Variants in ABCG1 observed in about 807,000 individuals in gnomAD.
ABCG1 encodes the protein ATP binding cassette subfamily G member 1, also known as ATP-binding cassette sub-family G member 1.
In ABCG1, 29 loss-of-function variants were observed where a neutral mutation model predicts 69.2. The ratio of observed to expected loss-of-function variants is 0.42; its 90% CI spans 0.31 to 0.57. The LOEUF (loss-of-function observed/expected upper bound fraction) is 0.57. Ranked by LOEUF, ABCG1 falls within the 20% of genes least tolerant of loss-of-function variation. The pLI is 0.15. For missense variants in ABCG1, 718 were observed against 898.1 expected (o/e 0.80, Z 2.56); for synonymous variants, 370 against 374.8 (o/e 0.99, Z 0.15).
At chr21:42,269,670 A>T (rs1200601926) in intron 2 of ABCG1, among the ~76,000 whole-genome samples, 1 of 152,142 alleles carries the variant, frequency 6.6e-6, no homozygotes, top group Non-Finnish European at 1.5e-5. Flanking sequence ...TCCCCTAAAC[A>T]AGGCCTCAGG....
chr21:42,251,790 C>G (rs1462567858), intron 2 of ABCG1, among the ~76,000 whole-genome samples: 1 of 152,236 alleles, frequency 6.6e-6, no homozygotes, highest in Admixed American at 6.5e-5. Context: ...GGAGCCCCTA[C>G]TCTTCCCAGG....
rs1287421340 is a variant in ABCG1 at position 42,219,163 on chromosome 21, C to G, written c.-100C>G. 2 of 1,112,138 alleles carry G rather than the reference C, an allele frequency of 1.8e-6. No individual in the cohort carries two copies. The highest frequency in any genetic ancestry group is 2.2e-6 in the Non-Finnish European group (2 of 891,348). The allele number at this position is 1,112,138 out of a possible 1,614,324, so 68.9% of individuals were successfully genotyped here. A position where few individuals can be genotyped will look rare whatever the true frequency, so the allele number is the denominator to read the frequency against. On this transcript the variant is annotated 5_prime_UTR_variant, in exon 1 of 15. Transcript: ENST00000398449. The surrounding 1 kb of genome is among the most constrained non-coding windows in gnomAD (Gnocchi z 5.3). ...CCGGAGCCCAAGCGCAGCCCGCACC[C>G]CGCGCAGCGGCTGAGCCGGGAGCCA...
At chr21:42,267,019 T>A (rs2068517271) in intron 2 of ABCG1, among the ~76,000 whole-genome samples, 1 of 152,162 alleles carries the variant, frequency 6.6e-6, no homozygotes, top group Non-Finnish European at 1.5e-5. Flanking sequence ...TGAATTTATG[T>A]CCCCTAAAAA....
intron 2 of ABCG1, among the ~76,000 whole-genome samples, chr21:42,265,185 A>C (rs1468134753): frequency 6.6e-6 from 1 of 152,166 alleles, no homozygotes; most frequent in Non-Finnish European, 1.5e-5. Context: ...CACGTCCCTC[A>C]TTCCTGCACC....
intron 6 of ABCG1, among the ~76,000 whole-genome samples, chr21:42,283,115 A>C (rs553306130): frequency 1.3e-5 from 2 of 152,138 alleles, no homozygotes; most frequent in African/African-American, 4.8e-5. Context: ...TTCTCCTGAA[A>C]TGACTTCAGC....
In ABCG1 at chr21:42,287,480, C is replaced by A. The variant is rs71320518; in HGVS notation, c.974-409C>A. On this transcript the variant is annotated intron_variant, in intron 8 of 14. Coordinates refer to ENST00000398449, the MANE Select transcript of ABCG1 (RefSeq NM_016818.3). The surrounding 1 kb of genome is among the most constrained non-coding windows in gnomAD (Gnocchi z 6.2). ...CATCTTGTAGAACTGCCGTGGCTCT[C>A]GTCACACCCTGCCAAACCACAAGCT... Among the ~76,000 whole-genome samples, 2 of 152,184 alleles carry A rather than the reference C, an allele frequency of 1.3e-5. No individual in the cohort carries two copies. Among genetic ancestry groups the A allele is most frequent in the African/African-American group, 4.8e-5 (2 of 41,442 alleles).
At chr21:42,220,193 C>T in intron 1 of ABCG1, 3 of 680,738 alleles carry the variant, frequency 4.4e-6, no homozygotes, top group Non-Finnish European at 7.5e-6. Context: ...ACACCAACAT[C>T]GTAGAGGTAG....
At chr21:42,248,596 T>C (rs1173603004) in intron 2 of ABCG1, among the ~76,000 whole-genome samples, 1 of 151,610 alleles carries the variant, frequency 6.6e-6, no homozygotes, top group Non-Finnish European at 1.5e-5. Flanking sequence ...GAAAGAAGAG[T>C]GAATAAACCA....
intron 2 of ABCG1, among the ~76,000 whole-genome samples, chr21:42,249,834 A>G (rs765630042): frequency 2.0e-5 from 3 of 151,928 alleles, no homozygotes; most frequent in Non-Finnish European, 4.4e-5. Context: ...ATGAAATCCC[A>G]TCTCTACTAA....
chr21:42,254,807 C>T (rs2068276683), intron 2 of ABCG1, among the ~76,000 whole-genome samples: 1 of 152,172 alleles, frequency 6.6e-6, no homozygotes, highest in Non-Finnish European at 1.5e-5. Flanking sequence ...CCGTTCTGAG[C>T]AGAAGCCCCT....
chr21:42,282,834 C>A (rs1422596718), intron 6 of ABCG1, among the ~76,000 whole-genome samples: 1 of 152,182 alleles, frequency 6.6e-6, no homozygotes, highest in Non-Finnish European at 1.5e-5. Flanking sequence ...AGGACAGGAT[C>A]CTGCCTCGGT....
At chr21:42,292,566 C>A (rs1601459509) in intron 13 of ABCG1, among the ~76,000 whole-genome samples, 1 of 152,048 alleles carries the variant, frequency 6.6e-6, no homozygotes, top group East Asian at 1.9e-4. Flanking sequence ...TTGCACACGG[C>A]ACACATGCAC....
intron 1 of ABCG1, among the ~76,000 whole-genome samples, chr21:42,220,803 T>C (rs1601345438): frequency 6.6e-6 from 1 of 152,236 alleles, no homozygotes; most frequent in African/African-American, 2.4e-5. Context: ...CTAAATGAGG[T>C]TGACCATGGA....
rs556748233 is a variant in ABCG1, at chr21:42,277,149, C to T, written c.588+204C>T. On this transcript the variant is annotated intron_variant, in intron 5 of 14. Transcript: ENST00000398449. ...CCAAGAAAGGCAGATCTGGTGCACACGCTCATGGCTTTGATTCTCAGATTC... is the reference window on the plus strand; with the variant it reads ...CCAAGAAAGGCAGATCTGGTGCACATGCTCATGGCTTTGATTCTCAGATTC... Among the ~76,000 whole-genome samples, 10 of 152,274 alleles carry T rather than the reference C, an allele frequency of 6.6e-5. No individual in the cohort carries two copies. In the South Asian group the frequency reaches 8.3e-4, roughly 13 times the overall value.
Position 42,219,450 on chromosome 21 carries a change from C to A in ABCG1, c.42+146C>A, listed in dbSNP as rs894874143. ...ACCCAGGGCACCCTAGAGTGGCGCC[C>A]GGCTCCGATCGCTGCCCCTGCCCCT... On this transcript the variant is annotated intron_variant, in intron 1 of 14. Transcript: ENST00000398449. The surrounding 1 kb of genome is among the most constrained non-coding windows in gnomAD (Gnocchi z 5.3). 8.4e-7 allele frequency: 1 copy of A among 1,185,658 alleles called. No homozygotes were observed. Among genetic ancestry groups the A allele is most frequent in the Non-Finnish European group, 1.1e-6 (1 of 879,984 alleles). The allele number at this position is 1,185,658 out of a possible 1,614,324, so 73.4% of individuals were successfully genotyped here.
intron 8 of ABCG1, chr21:42,286,287 T>A (rs1601448062): frequency 2.7e-6 from 1 of 364,922 alleles, no homozygotes; most frequent in Middle Eastern, 7.7e-4. Flanking sequence ...AAGTCCAGGA[T>A]GATTCATCTC....
intron 2 of ABCG1, among the ~76,000 whole-genome samples, chr21:42,240,480 T>G (rs2068035477): frequency 6.6e-6 from 1 of 152,250 alleles, no homozygotes; most frequent in Admixed American, 6.5e-5. Flanking sequence ...AGATGGAGTC[T>G]CGCTTTGTCA....
chr21:42,212,610 A>G (rs1221942398), upstream of ABCG1, among the ~76,000 whole-genome samples: 3 of 152,300 alleles, frequency 2.0e-5, no homozygotes, highest in East Asian at 5.8e-4. Flanking sequence ...TATTTGGTGG[A>G]AGAAACACTC....
At chr21:42,237,496 A>G (rs955542170) in intron 2 of ABCG1, among the ~76,000 whole-genome samples, 4 of 152,154 alleles carry the variant, frequency 2.6e-5, no homozygotes, top group Non-Finnish European at 4.4e-5. Flanking sequence ...CTCTGCCCCT[A>G]CGATCATGGG....
Sources: gnomAD v4.1 joint callset for allele counts (sites outside exome capture counted in the v4.1 genomes callset) on GRCh38, gnomAD v4.1.1 for gene constraint, Gnocchi (gnomAD v3.1) non-coding constraint, MANE v1.5 for transcripts, NCBI Gene and HGNC (gene_info 2026-07-23, HGNC 2026-07-21) for gene names.